PELI3: variants seen among roughly 807,000 people sequenced by gnomAD.
PELI3 encodes E3 ubiquitin-protein ligase pellino homolog 3.
Under a neutral mutation model 35.5 loss-of-function variants are expected in PELI3, and 19 were observed. That is an observed-to-expected ratio of 0.54 (90% CI 0.37 to 0.79). The LOEUF (loss-of-function observed/expected upper bound fraction) is 0.79. PELI3 is among the 30% of genes least tolerant of loss of function. PELI3 has a pLI of 0.00. For synonymous variants in PELI3, 262 were observed against 279.2 expected, an observed-to-expected ratio of 0.94 and a Z score of 0.62; for missense variants, 490 against 661.2, an observed-to-expected ratio of 0.74 and a Z score of 2.84.
chr11:66,472,568 T>A, intron 5 of PELI3, 98 bp downstream of exon 5: 1 of 988,432 alleles, frequency 1.0e-6, no homozygotes, highest in Middle Eastern at 2.7e-4. Flanking sequence ...ATGGGAAAGC[T>A]GCTTCTCTCC....
Position 66,469,801 on chromosome 11 carries a change from T to G in PELI3, c.224+897T>G, listed in dbSNP as rs572443589. ...GGGACCAGGGAATCTGTTTTTTTTT[T>G]TTGTTTTTTTTTTTTTGAGACAGAG... On this transcript the variant is annotated intron_variant, in intron 3 of 7. Coordinates refer to ENST00000320740, the MANE Select transcript of PELI3 (RefSeq NM_145065.3). Among the ~76,000 whole-genome samples the G allele has an allele frequency of 3.5e-4, 51 of 143,902 alleles. No homozygotes were observed. In the South Asian group the frequency reaches 4.5e-3, roughly 13 times the overall value. The allele number at this position is 143,902 out of a possible 152,430, so 94.4% of individuals were successfully genotyped here.
intron 7 of PELI3, 132 bp from the exon 8 acceptor site, chr11:66,475,466 C>T (rs1241439998): frequency 3.2e-6 from 3 of 935,324 alleles, no homozygotes; most frequent in Non-Finnish European, 4.8e-6. Context: ...ACTTGGCCTC[C>T]TAGCCTGCCT....
intron 4 of PELI3, 106 bp downstream of exon 4, chr11:66,471,477 G>T: frequency 7.0e-7 from 1 of 1,426,958 alleles, no homozygotes. Flanking sequence ...CTTAACAGGG[G>T]AGCCCACTTT....
In PELI3 at chr11:66,476,277, C is replaced by G; in HGVS notation, c.*110C>G. The G allele has an allele frequency of 8.4e-7, 1 of 1,193,940 alleles. No individual in the cohort carries two copies. The highest frequency in any genetic ancestry group is 1.1e-6 in the Non-Finnish European group (1 of 873,250). 74.0% of individuals were successfully genotyped at this position (1,193,940 alleles called of 1,614,324 possible). ...ACACTCCCTGCTGGCACAGCCACAC[C>G]AGATGGACATGTTGGATGGGCTGTG... On this transcript the variant is annotated 3_prime_UTR_variant, in exon 8 of 8. Coordinates refer to ENST00000320740, the MANE Select transcript of PELI3 (RefSeq NM_145065.3).
chr11:66,473,459 C>A lies in PELI3; in HGVS notation c.651+24C>A. On this transcript the variant is annotated intron_variant, in intron 6 of 7. Transcript: ENST00000320740. The surrounding 1 kb of genome is among the most constrained non-coding windows in gnomAD (Gnocchi z 5.8). ...GAGTGAGTGAGCCCCAGGAAGGGAC[C>A]AACTCTTCATCTGTGAGGCAAGGGG... 1 of 1,592,024 alleles carries A rather than the reference C, an allele frequency of 6.3e-7. No homozygotes were observed. The highest frequency in any genetic ancestry group is 8.6e-7 in the Non-Finnish European group (1 of 1,165,936).
chr11:66,474,374 C>T (rs1854830282), intron 7 of PELI3: 2 of 420,324 alleles, frequency 4.8e-6, no homozygotes, highest in East Asian at 1.1e-4. Flanking sequence ...AGGGTCCTTA[C>T]AGTAGTTCTG....
Position 66,472,445 on chromosome 11 carries a change from A to G in PELI3, c.431A>G (p.His144Arg). Reference sequence around the variant, plus strand: ...CACTCGGTCATAGTGGAGTATACACATGATAGCGACACAGACATGTTCCAG... The same window carrying G: ...CACTCGGTCATAGTGGAGTATACACGTGATAGCGACACAGACATGTTCCAG... Reference protein sequence around the residue: ...RSHSVIVEYTHDSDTDMFQIG... With the variant: ...RSHSVIVEYTRDSDTDMFQIG... Residue 144 changes from histidine (H) to arginine (R), a missense_variant, in exon 5 of 8, where the codon CAT becomes CGT. This residue lies in a region of PELI3 where 349 missense variants were observed against 484.8 expected (regional missense o/e 0.72). Transcript: ENST00000320740. The G allele has an allele frequency of 6.2e-7, 1 of 1,614,118 alleles. No homozygotes were observed. The highest frequency in any genetic ancestry group is 8.5e-7 in the Non-Finnish European group (1 of 1,179,980).
Position 66,473,616 on chromosome 11 carries a change from C to A in PELI3, c.652-121C>A. The A allele has an allele frequency of 2.1e-6, 3 of 1,399,090 alleles. No individual in the cohort carries two copies. The highest frequency in any genetic ancestry group is 1.9e-6 in the Non-Finnish European group (2 of 1,032,660). The allele number at this position is 1,399,090 out of a possible 1,614,324, so 86.7% of individuals were successfully genotyped here. ...CCAGAGAGACGCTCAAGTCATGCAG[C>A]TTCAATGCCAGTCCTCTCTGGGCCG... On this transcript the variant is annotated intron_variant, in intron 6 of 7. Coordinates refer to ENST00000320740, the MANE Select transcript of PELI3 (RefSeq NM_145065.3). The surrounding 1 kb of genome is among the most constrained non-coding windows in gnomAD (Gnocchi z 5.8).
intron 2 of PELI3, among the ~76,000 whole-genome samples, chr11:66,468,572 G>C (rs565006840): frequency 6.6e-6 from 1 of 152,332 alleles, no homozygotes; most frequent in African/African-American, 2.4e-5. Context: ...GTGGTGTGGG[G>C]TGAAGAACTC....
intron 7 of PELI3, chr11:66,475,191 T>G (rs1032668838): frequency 4.6e-6 from 1 of 218,150 alleles, no homozygotes; most frequent in Non-Finnish European, 9.0e-6. Context: ...GCCTAGCTCC[T>G]GAGTTTTTGC....
At position 66,473,184 on chromosome 11, in the gene PELI3, GCCCATGAGAGTC is replaced by G. The variant is rs1565258874; in HGVS notation, c.457-53_457-42del. The G allele has an allele frequency of 9.4e-6, 14 of 1,488,544 alleles. No homozygotes were observed. Among genetic ancestry groups the G allele is most frequent in the Non-Finnish European group, 2.7e-6 (3 of 1,098,328 alleles). The allele number at this position is 1,488,544 out of a possible 1,614,324, so 92.2% of individuals were successfully genotyped here. A position where few individuals can be genotyped will look rare whatever the true frequency, so the allele number is the denominator to read the frequency against. On this transcript the variant is annotated intron_variant, in intron 5 of 7. Coordinates refer to ENST00000320740, the MANE Select transcript of PELI3 (RefSeq NM_145065.3). This position sits in a 1 kb window ranked among gnomAD's most constrained non-coding sequence, Gnocchi z 5.8. ...AGCTGCTGGTACTCTGGGAGGGAAG[GCCCATGAGAGTC>G]CCCTATGTACATACAGTCCCTGCTT... is the stretch of plus-strand genomic sequence containing the variant.
chr11:66,469,863 G>C (rs1051448865), intron 3 of PELI3, among the ~76,000 whole-genome samples: 4 of 146,132 alleles, frequency 2.7e-5, no homozygotes, highest in African/African-American at 1.0e-4. Flanking sequence ...ACAGTGGCAC[G>C]ATATCAGTTC....
At position 66,473,414 on chromosome 11, in the gene PELI3, C is replaced by T; in HGVS notation, c.630C>T (p.Ala210=). The change falls in exon 6 of 8, where the codon GCC becomes GCT. Residue 210 remains alanine (A), a synonymous_variant. Coordinates refer to ENST00000320740, the MANE Select transcript of PELI3 (RefSeq NM_145065.3). This position sits in a 1 kb window ranked among gnomAD's most constrained non-coding sequence, Gnocchi z 5.8. Reference sequence around the variant, plus strand: ...GCATCTATGCCGCTGGCTTCGATGCCTCTAGCAACATCTTCCTTGGAGTGA... The same window carrying T: ...GCATCTATGCCGCTGGCTTCGATGCTTCTAGCAACATCTTCCTTGGAGTGA... ...TARIYAAGFD[A]SSNIFLGERA... is the part of the protein sequence containing the mutation. 6.2e-7 allele frequency: 1 copy of T among 1,612,618 alleles called. No individual in the cohort carries two copies. Among genetic ancestry groups the T allele is most frequent in the Non-Finnish European group, 8.5e-7 (1 of 1,179,450 alleles).
intron 7 of PELI3, among the ~76,000 whole-genome samples, chr11:66,475,265 G>A (rs1285242765): frequency 6.6e-6 from 1 of 152,196 alleles, no homozygotes; most frequent in Non-Finnish European, 1.5e-5. Flanking sequence ...CGTTAGCTTT[G>A]AGCTAAGTAC....
At chr11:66,472,576 TC>T in intron 5 of PELI3, 106 bp downstream of exon 5, 1 of 879,590 alleles carries the variant, frequency 1.1e-6, no homozygotes, top group Non-Finnish European at 1.8e-6. Context: ...GCTGCTTCTC[TC>T]CAGACGAGGA....
In PELI3 at chr11:66,467,730, G is replaced by A. The variant is rs1393656211; in HGVS notation, c.-1-398G>A. 6.6e-5 allele frequency among the ~76,000 whole-genome samples: 10 copies of A among 152,224 alleles called. No individual in the cohort carries two copies. The highest frequency in any genetic ancestry group is 6.5e-4 in the Admixed American group (10 of 15,288). ...ATGGACAGGTAGATTCAAAGAACCT[G>A]TCAGAGAGGCTAAATCAGAGGTCCA... On this transcript the variant is annotated intron_variant, in intron 1 of 7. Transcript: ENST00000320740. This position sits in a 1 kb window ranked among gnomAD's most constrained non-coding sequence, Gnocchi z 4.2.
At chr11:66,470,375 GT>G in intron 3 of PELI3, among the ~76,000 whole-genome samples, 1 of 152,364 alleles carries the variant, frequency 6.6e-6, no homozygotes, top group South Asian at 2.1e-4. Flanking sequence ...GGCTTCTGGA[GT>G]CAGAGAGACT....
upstream of PELI3, chr11:66,466,595 G>A (rs1219087137): frequency 6.6e-6 from 1 of 152,446 alleles, no homozygotes; most frequent in Admixed American, 6.5e-5. Context: ...TGGAGGCGGA[G>A]TTTGGGGAGT....
intron 3 of PELI3, among the ~76,000 whole-genome samples, chr11:66,469,161 T>G (rs986308524): frequency 7.9e-5 from 12 of 151,760 alleles, no homozygotes; most frequent in African/African-American, 2.9e-4. Context: ...CCTTTTGGCC[T>G]CTCTTTGCCA....
Sources: gnomAD v4.1 joint callset for allele counts (sites outside exome capture counted in the v4.1 genomes callset) on GRCh38, gnomAD v4.1.1 for gene constraint, gnomAD v4.1.1 regional missense constraint, Gnocchi (gnomAD v3.1) non-coding constraint, MANE v1.5 for transcripts, NCBI Gene and HGNC (gene_info 2026-07-23, HGNC 2026-07-21) for gene names.